CSMD1: variants seen among roughly 807,000 people sequenced by gnomAD.
CSMD1 encodes CUB and sushi domain-containing protein 1.
A neutral mutation model predicts 417.5 loss-of-function variants in CSMD1; 213 were observed. That is an observed-to-expected ratio of 0.51 (90% confidence interval 0.46 to 0.57). The LOEUF (loss-of-function observed/expected upper bound fraction) is 0.57, where lower values mean the gene tolerates loss of function less well. Ranked by LOEUF, CSMD1 falls within the 20% of genes least tolerant of loss-of-function variation. The pLI, the probability that CSMD1 is intolerant of heterozygous loss-of-function variation, is 0.00. For synonymous variants in CSMD1, 2,862 were observed against 1,736.8 expected (o/e 1.65, Z -16.11); for missense variants, 6,923 against 4,529.7 (o/e 1.53, Z -15.17).
chr8:4,473,131 A>C (rs1451526648), intron 2 of CSMD1, among the ~76,000 whole-genome samples: 1 of 152,170 alleles, frequency 6.6e-6, no homozygotes, highest in South Asian at 2.1e-4. Context: ...TTACAACCTT[A>C]TAGTAAATTC....
chr8:4,708,333 G>A (rs969158141), intron 1 of CSMD1, among the ~76,000 whole-genome samples: 2 of 152,156 alleles, frequency 1.3e-5, no homozygotes, highest in African/African-American at 4.8e-5. Flanking sequence ...TAGGTGGAAT[G>A]TAAGCTCCGT....
intron 1 of CSMD1, among the ~76,000 whole-genome samples, chr8:4,910,795 G>C (rs905740709): frequency 4.6e-5 from 7 of 152,158 alleles, no homozygotes; most frequent in African/African-American, 1.2e-4. Flanking sequence ...GGAAAATATA[G>C]TCATCCAATT....
intron 8 of CSMD1, among the ~76,000 whole-genome samples, chr8:3,602,696 C>T (rs376533527): frequency 6.7e-6 from 1 of 148,726 alleles, no homozygotes; most frequent in Admixed American, 6.9e-5. Context: ...TATTTCAACC[C>T]ATTCTTTTAC....
At chr8:3,144,814 A>C (rs1004463346) in intron 40 of CSMD1, among the ~76,000 whole-genome samples, 1 of 14,394 alleles carries the variant, frequency 6.9e-5, no homozygotes, top group Non-Finnish European at 1.4e-4. Context: ...GGAGGGAGGG[A>C]GGGAGAAGGG....
At chr8:3,475,972 C>T (rs990062936) in intron 11 of CSMD1, among the ~76,000 whole-genome samples, 3 of 152,168 alleles carry the variant, frequency 2.0e-5, no homozygotes, top group Admixed American at 2.0e-4. Flanking sequence ...TAGACAAGAA[C>T]AATTTCATCT....
chr8:3,322,256 C>G (rs527391044), intron 23 of CSMD1, among the ~76,000 whole-genome samples: 20 of 152,174 alleles, frequency 1.3e-4, no homozygotes, highest in Non-Finnish European at 8.8e-5. Context: ...CCTTCACCTC[C>G]TGATGAATCA....
intron 1 of CSMD1, among the ~76,000 whole-genome samples, chr8:4,856,068 G>C (rs1028344214): frequency 1.3e-5 from 2 of 152,166 alleles, no homozygotes; most frequent in Admixed American, 6.5e-5. Context: ...CGGATCTCTC[G>C]ACAGAAACCC....
At chr8:3,826,337 G>C (rs1423176572) in intron 5 of CSMD1, among the ~76,000 whole-genome samples, 4 of 152,138 alleles carry the variant, frequency 2.6e-5, no homozygotes, top group African/African-American at 7.2e-5. Context: ...TGAGCTAAAA[G>C]AATGTTTGGG....
At chr8:4,287,885 C>T (rs574683082) in intron 3 of CSMD1, among the ~76,000 whole-genome samples, 1 of 152,150 alleles carries the variant, frequency 6.6e-6, no homozygotes, top group East Asian at 1.9e-4. Context: ...AGTCTCAGGA[C>T]ATCCCAGGTT....
intron 3 of CSMD1, among the ~76,000 whole-genome samples, chr8:4,223,759 C>T (rs1476860290): frequency 6.6e-6 from 1 of 152,192 alleles, no homozygotes; most frequent in African/African-American, 2.4e-5. Flanking sequence ...ATATTTCTAG[C>T]AAAGGTGACC....
At chr8:3,899,545 G>T (rs143749426) in intron 5 of CSMD1, among the ~76,000 whole-genome samples, 2 of 152,160 alleles carry the variant, frequency 1.3e-5, no homozygotes, top group South Asian at 4.2e-4. Flanking sequence ...AAACATCTAA[G>T]GACATTAAAA....
At chr8:3,824,392 G>A (rs1044046675) in intron 5 of CSMD1, among the ~76,000 whole-genome samples, 8 of 152,152 alleles carry the variant, frequency 5.3e-5, no homozygotes, top group Non-Finnish European at 8.8e-5. Flanking sequence ...AGCTCAGAGT[G>A]GCAAAGCTCC....
intron 2 of CSMD1, among the ~76,000 whole-genome samples, chr8:4,422,946 A>T (rs531267391): frequency 6.6e-6 from 1 of 152,170 alleles, no homozygotes; most frequent in Non-Finnish European, 1.5e-5. Context: ...ATAGTAATCT[A>T]TGTAGAAAAA....
chr8:3,270,709 T>A (rs1801782088), intron 26 of CSMD1, among the ~76,000 whole-genome samples: 2 of 152,158 alleles, frequency 1.3e-5, no homozygotes, highest in Admixed American at 1.3e-4. Context: ...TTAAACTATT[T>A]ATCAACAGTG....
At chr8:3,423,321 T>G (rs1438146738) in intron 12 of CSMD1, among the ~76,000 whole-genome samples, 1 of 152,186 alleles carries the variant, frequency 6.6e-6, no homozygotes, top group Admixed American at 6.5e-5. Flanking sequence ...CATATCCATT[T>G]TCAGTCCATT....
intron 18 of CSMD1, among the ~76,000 whole-genome samples, chr8:3,376,629 G>A (rs941934728): frequency 5.3e-5 from 8 of 151,342 alleles, no homozygotes; most frequent in African/African-American, 1.9e-4. Flanking sequence ...AGTTTTCTTT[G>A]CGTTTGTCTT....
At chr8:3,565,215 G>GACAGAC (rs58029640) in intron 10 of CSMD1, among the ~76,000 whole-genome samples, 12 of 139,284 alleles carry the variant, frequency 8.6e-5, no homozygotes, top group South Asian at 2.4e-4. Flanking sequence ...GATAGATAGA[G>GACAGAC]AGATAGACAG....
chr8:4,180,302 T>C (rs905706405), intron 3 of CSMD1, among the ~76,000 whole-genome samples: 1 of 151,870 alleles, frequency 6.6e-6, no homozygotes, highest in Non-Finnish European at 1.5e-5. Context: ...CTGGAAATCA[T>C]CATTGTCAGT....
At chr8:3,736,746 C>A (rs570606249) in intron 6 of CSMD1, among the ~76,000 whole-genome samples, 1 of 152,206 alleles carries the variant, frequency 6.6e-6, no homozygotes, top group Non-Finnish European at 1.5e-5. Flanking sequence ...TTCACCTTTA[C>A]CAATCATTAG....
Sources: gnomAD v4.1 joint callset for allele counts (sites outside exome capture counted in the v4.1 genomes callset) on GRCh38, gnomAD v4.1.1 for gene constraint, MANE v1.5 for transcripts, NCBI Gene and HGNC (gene_info 2026-07-23, HGNC 2026-07-21) for gene names.